Variants in MTM1 observed in about 807,000 individuals in gnomAD.
MTM1 encodes myotubularin 1, also known as myotubularin.
A neutral mutation model predicts 52.1 loss-of-function variants in MTM1; 9 were observed. That is an observed-to-expected ratio of 0.17 (90% CI 0.10 to 0.30). The LOEUF (loss-of-function observed/expected upper bound fraction) is 0.30. MTM1 is among the 10% of genes least tolerant of loss of function. MTM1 has a pLI of 1.00. For missense variants in MTM1, 277 were observed against 470.7 expected (o/e 0.59, Z 3.81); for synonymous variants, 136 against 163.8 (o/e 0.83, Z 1.29).
intron 1 of MTM1, among the ~76,000 whole-genome samples, chrX:150,585,831 AC>A (rs2038776750): frequency 8.9e-6 from 1 of 112,338 alleles, no homozygotes; most frequent in South Asian, 3.6e-4. Flanking sequence ...TAGTTTACTT[AC>A]CATATCACTT....
At chrX:150,669,328 T>C (rs1333498050) in intron 14 of MTM1, among the ~76,000 whole-genome samples, 2 of 112,389 alleles carry the variant, frequency 1.8e-5, no homozygotes, top group African/African-American at 6.5e-5. Context: ...TAAATAGTGC[T>C]GCAGTAAACA....
At chrX:150,637,102 G>A (rs1009669303) in intron 6 of MTM1, among the ~76,000 whole-genome samples, 2 of 112,024 alleles carry the variant, frequency 1.8e-5, no homozygotes, top group African/African-American at 6.5e-5. Context: ...TGGGCCTAGC[G>A]CTGCCAGAGT....
chrX:150,591,539 A>G (rs1292934118), intron 1 of MTM1, among the ~76,000 whole-genome samples: 2 of 112,173 alleles, frequency 1.8e-5, no homozygotes, highest in African/African-American at 6.5e-5. Context: ...TTTCTTGACT[A>G]TTTCTTAAGG....
chrX:150,599,229 T>C (rs2039030352), intron 4 of MTM1, among the ~76,000 whole-genome samples: 1 of 111,959 alleles, frequency 8.9e-6, no homozygotes, highest in African/African-American at 3.3e-5. Context: ...AGGATGACTA[T>C]GGTATGGCTT....
intron 10 of MTM1, among the ~76,000 whole-genome samples, chrX:150,655,980 T>G (rs1222741267): frequency 1.8e-5 from 2 of 112,101 alleles, no homozygotes; most frequent in Non-Finnish European, 3.8e-5. Context: ...CTTCTAAGTC[T>G]CAAATTTTTA....
At chrX:150,670,295 C>T (rs2040375057) in intron 14 of MTM1, among the ~76,000 whole-genome samples, 1 of 112,359 alleles carries the variant, frequency 8.9e-6, no homozygotes, top group South Asian at 3.7e-4. Context: ...CCCTTGTTTA[C>T]TCATCAAAGT....
rs950034422 is a variant in MTM1, at chrX:150,672,361, A to G, written c.*766A>G. ...TTTCGGGTTGTGGCAAACCCCAAAG[A>G]GAGCACTGTCCAAGGATGTCGGGAG... is the stretch of plus-strand genomic sequence containing the variant. On this transcript the variant is annotated 3_prime_UTR_variant, in exon 15 of 15. Coordinates refer to ENST00000370396, the MANE Select transcript of MTM1 (RefSeq NM_000252.3). 1.8e-5 allele frequency: 2 copies of G among 111,888 alleles called. No individual in the cohort carries two copies. The highest frequency in any genetic ancestry group is 3.8e-5 in the Non-Finnish European group (2 of 53,265). 9.2% of individuals were successfully genotyped at this position (111,888 alleles called of 1,213,427 possible). A position where few individuals can be genotyped will look rare whatever the true frequency, so the allele number is the denominator to read the frequency against.
intron 7 of MTM1, among the ~76,000 whole-genome samples, chrX:150,639,586 G>C (rs1415492925): frequency 8.9e-6 from 1 of 111,816 alleles, no homozygotes; most frequent in Non-Finnish European, 1.9e-5. Context: ...TATAATAAAG[G>C]CAAGAGGCTT....
intron 4 of MTM1, among the ~76,000 whole-genome samples, chrX:150,599,481 T>G (rs1280327308): frequency 9.0e-6 from 1 of 111,537 alleles, no homozygotes; most frequent in Non-Finnish European, 1.9e-5. Context: ...GGTCCAGGGT[T>G]CACAGAGAGT....
intron 13 of MTM1, among the ~76,000 whole-genome samples, chrX:150,661,765 T>C (rs2040225292): frequency 9.0e-6 from 1 of 111,648 alleles, no homozygotes; most frequent in African/African-American, 3.3e-5. Context: ...GAAGGGTAGT[T>C]ACCAGGGGCT....
intron 8 of MTM1, among the ~76,000 whole-genome samples, chrX:150,645,415 A>G (rs1557413946): frequency 8.9e-6 from 1 of 112,728 alleles, no homozygotes; most frequent in East Asian, 2.8e-4. Flanking sequence ...TTTAAGTGAT[A>G]TAACTATTTT....
chrX:150,635,785 T>C (rs186400227), intron 6 of MTM1, among the ~76,000 whole-genome samples: 23 of 112,327 alleles, frequency 2.0e-4, no homozygotes, highest in African/African-American at 6.1e-4. Context: ...CTCACTTCAA[T>C]TGAGCCAAGT....
rs782675333 is a variant in MTM1, at chrX:150,657,837, C to G, written c.1070C>G (p.Ala357Gly). Residue 357 changes from alanine to glycine, a missense_variant, in exon 11 of 15, where the codon GCC (alanine) becomes GGC (glycine). Physicochemically the swap from Ala to Gly is moderately conservative, Grantham distance 60 (BLOSUM62 0). Around this residue, in one of 4 missense-constraint regions of MTM1, gnomAD observed 164 missense variants for 283.3 expected, o/e 0.58. Transcript: ENST00000370396. ...LEHIKLVLTG[A>G]IQVADKVSSG... ...CTTTGTCAGCTCGTTTTGACAGGAGCCATTCAAGTAGCAGACAAAGTTTCT... is the reference window on the plus strand; with the variant it reads ...CTTTGTCAGCTCGTTTTGACAGGAGGCATTCAAGTAGCAGACAAAGTTTCT... The G allele has an allele frequency of 8.3e-7, 1 of 1,211,373 alleles. No individual in the cohort carries two copies. Among genetic ancestry groups the G allele is most frequent in the South Asian group, 1.8e-5 (1 of 56,991 alleles).
chrX:150,587,692 A>G (rs1331758184), intron 1 of MTM1, among the ~76,000 whole-genome samples: 4 of 111,472 alleles, frequency 3.6e-5, no homozygotes, highest in Non-Finnish European at 1.9e-5. Context: ...CCTACAATCC[A>G]AGCTACTTTA....
At chrX:150,583,775 AATATATAAAATAT>A (rs2038706450) in intron 1 of MTM1, among the ~76,000 whole-genome samples, 1 of 48,845 alleles carries the variant, frequency 2.0e-5, no homozygotes, top group Non-Finnish European at 3.4e-5. Flanking sequence ...ATATATATTT[AATATATAAAATAT>A]ATATAAAATA....
At chrX:150,631,461 G>A (rs2039664780) in intron 6 of MTM1, among the ~76,000 whole-genome samples, 1 of 110,784 alleles carries the variant, frequency 9.0e-6, no homozygotes, top group Non-Finnish European at 1.9e-5. Flanking sequence ...TCAGGGATTC[G>A]AGACCAGCCT....
chrX:150,592,698 T>C (rs781998728), intron 2 of MTM1, 21 bp downstream of exon 2: 1 of 1,005,149 alleles, frequency 9.9e-7, no homozygotes, highest in Non-Finnish European at 1.4e-6. Flanking sequence ...TTTTCAGATT[T>C]ATCTGTCTCT....
At position 150,649,706 on chromosome X, in the gene MTM1, TG is replaced by T. The variant is rs1372652199; in HGVS notation, c.868-9del. 1 of 1,199,100 alleles carries T rather than the reference TG, an allele frequency of 8.3e-7. No homozygotes were observed. The highest frequency in any genetic ancestry group is 1.8e-5 in the African/African-American group (1 of 57,068). ...TCAACTGATTGTTTGTATTTCATGT[TG>T]TTTCTTAGGCAACAGGAGGAGGATA... On this transcript the variant is annotated splice_polypyrimidine_tract_variant and intron_variant, in intron 9 of 14. Transcript: ENST00000370396.
chrX:150,668,676 C>T (rs1235298271), intron 14 of MTM1, among the ~76,000 whole-genome samples: 1 of 110,850 alleles, frequency 9.0e-6, no homozygotes, highest in African/African-American at 3.3e-5. Flanking sequence ...GCTACGATTG[C>T]ACTGCACTCC....
Sources: gnomAD v4.1 joint callset for allele counts (sites outside exome capture counted in the v4.1 genomes callset) on GRCh38, gnomAD v4.1.1 for gene constraint, gnomAD v4.1.1 regional missense constraint, MANE v1.5 for transcripts, NCBI Gene and HGNC (gene_info 2026-07-23, HGNC 2026-07-21) for gene names.